Variants in LPP observed in about 807,000 individuals in gnomAD.
The protein encoded by LPP is lipoma-preferred partner.
LPP carries 38 observed loss-of-function variants against 60.4 expected under a neutral mutation model. That is an observed-to-expected ratio of 0.63 (90% CI 0.49 to 0.83). The LOEUF is 0.83. Among genes scored for constraint, LPP ranks in the 40% least tolerant of loss-of-function variants. The pLI is 0.00. For missense variants in LPP, 902 were observed against 783.6 expected, an observed-to-expected ratio of 1.15 and a Z score of -1.80; for synonymous variants, 328 against 290.8, an observed-to-expected ratio of 1.13 and a Z score of -1.30.
intron 2 of LPP, among the ~76,000 whole-genome samples, chr3:188,291,378 G>A (rs1233349226): frequency 2.6e-5 from 4 of 152,106 alleles, no homozygotes; most frequent in African/African-American, 4.8e-5. Context: ...GGTGGCTCTC[G>A]CCTGTAATCC....
In LPP at chr3:188,881,892, A is replaced by G. The variant is rs888996197; in HGVS notation, c.*7413A>G. The G allele has an allele frequency of 5.5e-5, 12 of 216,658 alleles. No individual in the cohort carries two copies. The highest frequency in any genetic ancestry group is 2.7e-4 in the African/African-American group (12 of 44,426). 13.4% of individuals were successfully genotyped at this position (216,658 alleles called of 1,614,324 possible). A position where few individuals can be genotyped will look rare whatever the true frequency, so the allele number is the denominator to read the frequency against. ...TGCTGGTTGATTGATTTCGAGATTC[A>G]TTCATTCTGTGCTCAAATATTTGTA... is the stretch of plus-strand genomic sequence containing the variant. On this transcript the variant is annotated 3_prime_UTR_variant, in exon 12 of 12. Coordinates refer to ENST00000617246, the MANE Select transcript of LPP (RefSeq NM_001375462.1).
At chr3:188,864,391 A>G (rs1485102096) in intron 9 of LPP, among the ~76,000 whole-genome samples, 1 of 152,180 alleles carries the variant, frequency 6.6e-6, no homozygotes. Flanking sequence ...TCTATTTCAG[A>G]CAGTATACTG....
intron 2 of LPP, among the ~76,000 whole-genome samples, chr3:188,274,254 G>T (rs1437239612): frequency 6.6e-6 from 1 of 152,076 alleles, no homozygotes; most frequent in African/African-American, 2.4e-5. Flanking sequence ...CTGTATAATT[G>T]CTCAAATTGT....
At chr3:188,370,623 T>C (rs1772761177) in intron 3 of LPP, among the ~76,000 whole-genome samples, 1 of 152,136 alleles carries the variant, frequency 6.6e-6, no homozygotes, top group Non-Finnish European at 1.5e-5. Flanking sequence ...ACGCAATTTG[T>C]TTTCCGTCCA....
Position 188,563,460 on chromosome 3 carries a change from A to ATATGTGTGTGTGTGTGTGTGTG in LPP, c.429+38674_429+38675insATGTGTGTGTGTGTGTGTGTGT, listed in dbSNP as rs373067080. Among the ~76,000 whole-genome samples the ATATGTGTGTGTGTGTGTGTGTG allele has an allele frequency of 8.4e-3, 1,192 of 141,996 alleles. 11 individuals are homozygous for ATATGTGTGTGTGTGTGTGTGTG. The highest frequency in any genetic ancestry group is 0.018 in the East Asian group (88 of 4,886). The allele number at this position is 141,996 out of a possible 152,430, so 93.2% of individuals were successfully genotyped here. ...CATTTATGTATACATTTACATATATATGTGTGTGTGTGTGTGTGTGTGTGT... is the reference window on the plus strand; with the variant it reads ...CATTTATGTATACATTTACATATATATATGTGTGTGTGTGTGTGTGTGTGTGTGTGTGTGTGTGTGTGTGTGT... On this transcript the variant is annotated intron_variant, in intron 6 of 11. Transcript: ENST00000617246.
chr3:188,332,368 T>C (rs1180426585), intron 2 of LPP, among the ~76,000 whole-genome samples: 1 of 152,248 alleles, frequency 6.6e-6, no homozygotes, highest in Non-Finnish European at 1.5e-5. Context: ...GATCACTCAG[T>C]AACTTTACAA....
intron 9 of LPP, among the ~76,000 whole-genome samples, chr3:188,826,317 A>G (rs1187789919): frequency 6.6e-6 from 1 of 152,210 alleles, no homozygotes; most frequent in Admixed American, 6.5e-5. Flanking sequence ...GTTTCCTTAT[A>G]GGAGATCCTG....
At chr3:188,478,367 A>T (rs1022445621) in intron 4 of LPP, among the ~76,000 whole-genome samples, 1 of 152,204 alleles carries the variant, frequency 6.6e-6, no homozygotes, top group African/African-American at 2.4e-5. Flanking sequence ...TTTTTCAAAT[A>T]ACAGAGCATT....
chr3:188,699,361 A>G (rs1371206866), intron 7 of LPP, among the ~76,000 whole-genome samples: 1 of 152,166 alleles, frequency 6.6e-6, no homozygotes. Context: ...GCCTTTTCCC[A>G]GCTGCAGTAA....
intron 6 of LPP, among the ~76,000 whole-genome samples, chr3:188,556,300 G>A (rs1829443770): frequency 6.6e-6 from 1 of 151,988 alleles, no homozygotes; most frequent in Non-Finnish European, 1.5e-5. Flanking sequence ...GTTTGAGCTT[G>A]GAAAGTTTAA....
intron 4 of LPP, among the ~76,000 whole-genome samples, chr3:188,447,925 CTGT>C (rs1309834072): frequency 6.6e-6 from 1 of 152,134 alleles, no homozygotes; most frequent in Non-Finnish European, 1.5e-5. Context: ...AAATTATCTA[CTGT>C]TGTACTGGGG....
At chr3:188,202,488 G>A (rs1731352591) in intron 1 of LPP, among the ~76,000 whole-genome samples, 1 of 152,176 alleles carries the variant, frequency 6.6e-6, no homozygotes, top group Non-Finnish European at 1.5e-5. Context: ...GGCATGTAGG[G>A]AGCAGACTGT....
intron 2 of LPP, among the ~76,000 whole-genome samples, chr3:188,266,340 A>G (rs1377852592): frequency 2.0e-5 from 3 of 152,186 alleles, no homozygotes; most frequent in South Asian, 2.1e-4. Flanking sequence ...GCTTATTCCA[A>G]CTGGGCTTTC....
At chr3:188,335,052 C>T (rs1246138500) in intron 2 of LPP, among the ~76,000 whole-genome samples, 5 of 152,222 alleles carry the variant, frequency 3.3e-5, no homozygotes, top group Admixed American at 2.0e-4. Context: ...TTGGTGTATA[C>T]GCCTGTTCAA....
chr3:188,320,225 C>G (rs1245057956), intron 2 of LPP, among the ~76,000 whole-genome samples: 1 of 152,202 alleles, frequency 6.6e-6, no homozygotes, highest in Non-Finnish European at 1.5e-5. Context: ...CACTCCAACA[C>G]ATTTGCAAAT....
intron 2 of LPP, among the ~76,000 whole-genome samples, chr3:188,307,826 T>A (rs975969011): frequency 6.6e-6 from 1 of 152,216 alleles, no homozygotes. Flanking sequence ...TACAGCTGAT[T>A]ATCTCTTAGA....
intron 7 of LPP, among the ~76,000 whole-genome samples, chr3:188,666,679 A>G (rs751006423): frequency 1.8e-4 from 27 of 152,212 alleles, no homozygotes; most frequent in Non-Finnish European, 3.8e-4. Flanking sequence ...CACTCATCAA[A>G]TACTTGTTGA....
chr3:188,880,997 T>C lies in LPP; in HGVS notation c.*6518T>C, dbSNP rs992052643. The C allele has an allele frequency of 1.8e-5, 3 of 162,454 alleles. No homozygotes were observed. Among genetic ancestry groups the C allele is most frequent in the African/African-American group, 7.2e-5 (3 of 41,524 alleles). The allele number at this position is 162,454 out of a possible 1,614,324, so 10.1% of individuals were successfully genotyped here. A position where few individuals can be genotyped will look rare whatever the true frequency, so the allele number is the denominator to read the frequency against. On this transcript the variant is annotated 3_prime_UTR_variant, in exon 12 of 12. Coordinates refer to ENST00000617246, the MANE Select transcript of LPP (RefSeq NM_001375462.1). Reference sequence around the variant, plus strand: ...AAAAAAAAAATACAAAAAATTAGCCTGGCTCAGTGGCGGGCGCCTGTAGTC... The same window carrying C: ...AAAAAAAAAATACAAAAAATTAGCCCGGCTCAGTGGCGGGCGCCTGTAGTC...
intron 2 of LPP, among the ~76,000 whole-genome samples, chr3:188,244,556 A>G (rs1321087906): frequency 6.6e-6 from 1 of 152,204 alleles, no homozygotes; most frequent in Admixed American, 6.5e-5. Flanking sequence ...CCTCTCCTTC[A>G]AGACCAAGAC....
Sources: allele counts gnomAD v4.1 joint callset (sites outside exome capture counted in the v4.1 genomes callset), GRCh38; gene constraint gnomAD v4.1.1; transcripts MANE v1.5; gene names NCBI Gene and HGNC (gene_info 2026-07-23, HGNC 2026-07-21).